Variants in MTCL3 observed in about 807,000 individuals in gnomAD.
MTCL3 encodes the protein MTCL family member 3, also known as microtubule cross-linking factor 3.
chr6:127,476,046 CCG>C, the MTCL3 span: 1 of 1,612,730 alleles, frequency 6.2e-7, no homozygotes, highest in Non-Finnish European at 8.5e-7. This position sits in a 1 kb window ranked among gnomAD's most constrained non-coding sequence, Gnocchi z 4.4. Context: ...CCACGTTCCT[CCG>C]CAGCAGCTCC....
the MTCL3 span, among the ~76,000 whole-genome samples, chr6:127,478,943 G>A: frequency 1.5e-4 from 22 of 150,958 alleles, no homozygotes; most frequent in South Asian, 1.5e-3. Flanking sequence ...CTTGAACCCC[G>A]GAGGCAGAGG....
At chr6:127,484,109 CA>C in the MTCL3 span, among the ~76,000 whole-genome samples, 2 of 152,242 alleles carry the variant, frequency 1.3e-5, no homozygotes, top group South Asian at 4.1e-4. Flanking sequence ...AAGAGAAGGA[CA>C]GGGGTATAGA....
At chr6:127,485,396 A>G in the MTCL3 span, among the ~76,000 whole-genome samples, 1 of 152,158 alleles carries the variant, frequency 6.6e-6, no homozygotes, top group Admixed American at 6.5e-5. Context: ...TGGTGGCATA[A>G]GTCAGATCTT....
chr6:127,504,157 T>G, the MTCL3 span, among the ~76,000 whole-genome samples: 1 of 152,136 alleles, frequency 6.6e-6, no homozygotes, highest in East Asian at 1.9e-4. Context: ...GCCTATATGC[T>G]GGGTACTGAA....
chr6:127,516,194 C>T, the MTCL3 span: 3 of 1,434,334 alleles, frequency 2.1e-6, no homozygotes, highest in South Asian at 3.0e-5. Context: ...TCGGGCGGTC[C>T]GGGCCTCCTG....
chr6:127,489,238 T>C, the MTCL3 span, among the ~76,000 whole-genome samples: 11 of 152,292 alleles, frequency 7.2e-5, no homozygotes, highest in East Asian at 1.5e-3. Flanking sequence ...CTGATATAAA[T>C]TGGCTAACTT....
chr6:127,498,055 G>A, the MTCL3 span, among the ~76,000 whole-genome samples: 2 of 152,168 alleles, frequency 1.3e-5, no homozygotes, highest in African/African-American at 2.4e-5. Flanking sequence ...TCTTAGATGC[G>A]ACACCAAAAA....
chr6:127,476,525 A>G, the MTCL3 span: 10 of 1,398,498 alleles, frequency 7.2e-6, no homozygotes, highest in East Asian at 2.3e-4. This position sits in a 1 kb window ranked among gnomAD's most constrained non-coding sequence, Gnocchi z 4.4. Flanking sequence ...TAAATCAAGG[A>G]AACAACCAAA....
chr6:127,503,552 C>G, the MTCL3 span, among the ~76,000 whole-genome samples: 1 of 152,132 alleles, frequency 6.6e-6, no homozygotes, highest in Non-Finnish European at 1.5e-5. Context: ...ATTTTTTCAC[C>G]AAAGCACAAA....
At chr6:127,477,300 C>T in the MTCL3 span, among the ~76,000 whole-genome samples, 13 of 152,186 alleles carry the variant, frequency 8.5e-5, 1 homozygote, top group Admixed American at 2.6e-4. Flanking sequence ...CACATTCTTA[C>T]GACAACCTCA....
the MTCL3 span, chr6:127,475,442 C>G: frequency 6.2e-7 from 1 of 1,613,128 alleles, no homozygotes; most frequent in Non-Finnish European, 8.5e-7. This position sits in a 1 kb window ranked among gnomAD's most constrained non-coding sequence, Gnocchi z 7.3. Flanking sequence ...ATGCGGCTGC[C>G]GTCGTCCTCC....
the MTCL3 span, among the ~76,000 whole-genome samples, chr6:127,484,457 A>G: frequency 6.6e-6 from 1 of 152,336 alleles, no homozygotes; most frequent in Admixed American, 6.5e-5. Context: ...GTAATCAACA[A>G]AACAGTCCCA....
chr6:127,508,444 T>A, the MTCL3 span, among the ~76,000 whole-genome samples: 2 of 152,176 alleles, frequency 1.3e-5, no homozygotes, highest in Non-Finnish European at 2.9e-5. Context: ...TATTTTTGTG[T>A]TCTAGAATGA....
At chr6:127,513,002 C>T in the MTCL3 span, 1 of 1,611,684 alleles carries the variant, frequency 6.2e-7, no homozygotes, top group Non-Finnish European at 8.5e-7. Flanking sequence ...TCTTTTCTTC[C>T]ACATTTTCTA....
the MTCL3 span, among the ~76,000 whole-genome samples, chr6:127,490,679 T>G: frequency 1.3e-5 from 2 of 152,014 alleles, no homozygotes; most frequent in East Asian, 3.9e-4. Flanking sequence ...TAGCCTAGTG[T>G]AGTGATGCGT....
the MTCL3 span, chr6:127,483,020 C>T: frequency 6.7e-7 from 1 of 1,489,020 alleles, no homozygotes; most frequent in Admixed American, 2.0e-5. Flanking sequence ...GTTGGATAAA[C>T]TATAATTTTA....
chr6:127,480,104 G>A, the MTCL3 span, among the ~76,000 whole-genome samples: 1 of 152,140 alleles, frequency 6.6e-6, no homozygotes, highest in Non-Finnish European at 1.5e-5. Flanking sequence ...GTGAAGAGGG[G>A]AACATAAAGA....
the MTCL3 span, among the ~76,000 whole-genome samples, chr6:127,480,006 A>G: frequency 1.3e-5 from 2 of 152,238 alleles, no homozygotes; most frequent in Non-Finnish European, 2.9e-5. Context: ...GTAGGCAAGA[A>G]AAATTAAAAT....
chr6:127,512,430 CTA>C, the MTCL3 span, among the ~76,000 whole-genome samples: 2 of 152,082 alleles, frequency 1.3e-5, no homozygotes, highest in African/African-American at 4.8e-5. Context: ...GCTGGCTTTG[CTA>C]TATATAGACT....
Sources: allele counts gnomAD v4.1 joint callset (sites outside exome capture counted in the v4.1 genomes callset), GRCh38; gene constraint gnomAD v4.1.1; non-coding constraint Gnocchi (gnomAD v3.1); transcripts MANE v1.5; gene names NCBI Gene and HGNC (gene_info 2026-07-23, HGNC 2026-07-21).